Variants in DAB1 observed in about 807,000 individuals in gnomAD.
DAB1 encodes DAB adaptor protein 1, also known as disabled homolog 1.
DAB1 carries 15 observed loss-of-function variants against 64.6 expected under a neutral mutation model. The ratio of observed to expected loss-of-function variants is 0.23; its 90% CI spans 0.16 to 0.36. DAB1 has a LOEUF of 0.36. DAB1 is among the 10% of genes least tolerant of loss of function. The probability of loss-of-function intolerance (pLI) is 1.00; values close to 1 mark genes in which losing one functional copy is unlikely to be tolerated. For synonymous variants in DAB1, 235 were observed against 251.9 expected (o/e 0.93, Z 0.64); for missense variants, 596 against 706.7 (o/e 0.84, Z 1.78).
At chr1:58,337,152 C>A (rs1036639012) in intron 4 of DAB1, among the ~76,000 whole-genome samples, 1 of 151,734 alleles carries the variant, frequency 6.6e-6, no homozygotes, top group Non-Finnish European at 1.5e-5. Flanking sequence ...CGTGGCGATG[C>A]GGGCCTGTAA....
intron 6 of DAB1, among the ~76,000 whole-genome samples, chr1:57,705,469 T>A (rs566352951): frequency 5.9e-5 from 9 of 152,270 alleles, no homozygotes; most frequent in African/African-American, 1.9e-4. Flanking sequence ...TACATTGCAT[T>A]AAAAATATAT....
intron 1 of DAB1, among the ~76,000 whole-genome samples, chr1:57,859,855 A>G (rs1653929868): frequency 6.6e-6 from 1 of 152,206 alleles, no homozygotes; most frequent in African/African-American, 2.4e-5. Flanking sequence ...TACCTGGATG[A>G]AGGTAAAAGC....
intron 11 of DAB1, among the ~76,000 whole-genome samples, chr1:57,023,077 C>T (rs1646673014): frequency 6.6e-6 from 1 of 152,222 alleles, no homozygotes; most frequent in African/African-American, 2.4e-5. Flanking sequence ...ATAGGGTGCT[C>T]CCCACTTTGT....
intron 5 of DAB1, among the ~76,000 whole-genome samples, chr1:58,081,810 C>CT (rs948464434): frequency 2.0e-5 from 3 of 151,958 alleles, no homozygotes; most frequent in Admixed American, 6.6e-5. Flanking sequence ...TTCCCCATCT[C>CT]TTTTTTTTCC....
intron 4 of DAB1, among the ~76,000 whole-genome samples, chr1:58,194,493 T>C (rs1657560941): frequency 6.6e-6 from 1 of 152,238 alleles, no homozygotes; most frequent in Non-Finnish European, 1.5e-5. Flanking sequence ...CTTCAGCCTG[T>C]GGGTATAAGG....
rs1180529082 is a variant in DAB1 at position 57,916,805 on chromosome 1, T to C, written n.388-32643A>G. Among the ~76,000 whole-genome samples the C allele has an allele frequency of 4.6e-5, 7 of 152,182 alleles. No individual in the cohort carries two copies. In the East Asian group the frequency reaches 1.4e-3, roughly 30 times the overall value. The stretch of plus-strand genomic sequence containing the variant: ...ATACAAAAGAAAAATTAGCCAGGCA[T>C]GGTCACGCACGCCTGTAATCCCAGC... On this transcript the variant is annotated intron_variant and non_coding_transcript_variant, in intron 5 of 20. Coordinates refer to the DAB1 transcript ENST00000485760.
At chr1:57,823,775 G>A (rs975897600), downstream of DAB1, among the ~76,000 whole-genome samples, 7 of 152,102 alleles carry the variant, frequency 4.6e-5, no homozygotes, top group Non-Finnish European at 5.9e-5. Context: ...ACCGCATGAG[G>A]CATATGTCAT....
chr1:58,341,347 T>C (rs777791386), intron 4 of DAB1, among the ~76,000 whole-genome samples: 12 of 152,144 alleles, frequency 7.9e-5, no homozygotes, highest in Admixed American at 1.3e-4. Flanking sequence ...TTCTCCAAAA[T>C]TGACACCTAC....
At chr1:57,244,144 T>C (rs931508234) in intron 2 of DAB1, among the ~76,000 whole-genome samples, 1 of 152,228 alleles carries the variant, frequency 6.6e-6, no homozygotes, top group Non-Finnish European at 1.5e-5. Context: ...GGCTCTCTTA[T>C]TTTTTATTCC....
chr1:58,373,667 G>T (rs1386257336), intron 3 of DAB1, among the ~76,000 whole-genome samples: 3 of 152,132 alleles, frequency 2.0e-5, no homozygotes, highest in Non-Finnish European at 4.4e-5. Flanking sequence ...ATAGCAGCAT[G>T]ATTTATAGTC....
At chr1:58,503,212 G>C (rs922597375) in intron 3 of DAB1, among the ~76,000 whole-genome samples, 1 of 152,080 alleles carries the variant, frequency 6.6e-6, no homozygotes, top group Non-Finnish European at 1.5e-5. Flanking sequence ...AAATTCAAGA[G>C]AAAATCATAT....
intron 6 of DAB1, among the ~76,000 whole-genome samples, chr1:57,685,319 G>A (rs1466355659): frequency 6.6e-6 from 1 of 151,466 alleles, no homozygotes; most frequent in Admixed American, 6.6e-5. Flanking sequence ...CAAAAAAATG[G>A]TATTACATAA....
At chr1:58,152,324 A>T (rs1465929629) in intron 4 of DAB1, among the ~76,000 whole-genome samples, 1 of 152,144 alleles carries the variant, frequency 6.6e-6, no homozygotes, top group East Asian at 1.9e-4. Context: ...TCCCTACTCC[A>T]CTCTACCACT....
At chr1:57,940,271 G>C (rs953760865) in intron 5 of DAB1, among the ~76,000 whole-genome samples, 14 of 152,324 alleles carry the variant, frequency 9.2e-5, no homozygotes, top group African/African-American at 3.4e-4. Flanking sequence ...AACAAATAAT[G>C]TGTTGGAGTC....
chr1:58,098,605 C>T (rs1651128943), intron 5 of DAB1, among the ~76,000 whole-genome samples: 1 of 152,114 alleles, frequency 6.6e-6, no homozygotes. Context: ...CCTCCAGTAC[C>T]CTAGAATGTG....
At chr1:57,870,378 T>C (rs2101955570) in intron 1 of DAB1, among the ~76,000 whole-genome samples, 1 of 152,172 alleles carries the variant, frequency 6.6e-6, no homozygotes, top group Middle Eastern at 3.4e-3. Context: ...GGAATACAAC[T>C]AAGAAGCCGT....
chr1:58,459,651 T>G (rs1243855031), intron 3 of DAB1, among the ~76,000 whole-genome samples: 1 of 152,220 alleles, frequency 6.6e-6, no homozygotes, highest in East Asian at 1.9e-4. Flanking sequence ...ACAAATAACA[T>G]ACTATCATTA....
At chr1:57,954,086 C>A (rs1362959265) in intron 5 of DAB1, among the ~76,000 whole-genome samples, 1 of 152,122 alleles carries the variant, frequency 6.6e-6, no homozygotes, top group Admixed American at 6.5e-5. Flanking sequence ...ACTATCAATC[C>A]TCTTCTCTAT....
intron 2 of DAB1, among the ~76,000 whole-genome samples, chr1:57,153,558 A>C (rs1659898310): frequency 6.6e-6 from 1 of 152,144 alleles, no homozygotes. Flanking sequence ...TTGGGTTTCT[A>C]AGAATCATCC....
Sources: allele counts gnomAD v4.1 joint callset (sites outside exome capture counted in the v4.1 genomes callset), GRCh38; gene constraint gnomAD v4.1.1; transcripts MANE v1.5; gene names NCBI Gene and HGNC (gene_info 2026-07-23, HGNC 2026-07-21).